PAX3: variants seen among roughly 807,000 people sequenced by gnomAD.
PAX3 encodes paired box 3.
In PAX3, 14 loss-of-function variants were observed where a neutral mutation model predicts 51.6. The ratio of observed to expected loss-of-function variants is 0.27; its 90% CI spans 0.18 to 0.42. The LOEUF (loss-of-function observed/expected upper bound fraction) is 0.42, where lower values mean the gene tolerates loss of function less well. Ranked by LOEUF, PAX3 falls within the 10% of genes least tolerant of loss-of-function variation. The pLI, the probability that PAX3 is intolerant of heterozygous loss-of-function variation, is 1.00. For synonymous variants in PAX3, 280 were observed against 253.4 expected (o/e 1.11, Z -1.00); for missense variants, 540 against 642.8 (o/e 0.84, Z 1.73).
At chr2:222,291,033 T>C (rs1252405725) in intron 4 of PAX3, among the ~76,000 whole-genome samples, 1 of 151,168 alleles carries the variant, frequency 6.6e-6, no homozygotes, top group Non-Finnish European at 1.5e-5. Context: ...GAGCTAAGCT[T>C]CGAGCCGGCC....
chr2:222,241,092 A>C (rs1186936537), intron 4 of PAX3, among the ~76,000 whole-genome samples: 2 of 152,250 alleles, frequency 1.3e-5, no homozygotes, highest in African/African-American at 4.8e-5. Context: ...TGCTATCTAC[A>C]GTAAGGCTCC....
intron 4 of PAX3, among the ~76,000 whole-genome samples, chr2:222,241,225 C>T (rs1047666936): frequency 2.0e-5 from 3 of 152,132 alleles, no homozygotes; most frequent in African/African-American, 7.2e-5. Context: ...AGGAAAAGGG[C>T]CAAGTGACTT....
intron 1 of PAX3, chr2:222,298,072 A>G (rs886893314): frequency 6.2e-6 from 1 of 161,916 alleles, no homozygotes; most frequent in Non-Finnish European, 1.3e-5. Context: ...TCCAATCACA[A>G]TGGCGCGGCG....
At chr2:222,270,727 C>G (rs997102916) in intron 4 of PAX3, among the ~76,000 whole-genome samples, 7 of 152,188 alleles carry the variant, frequency 4.6e-5, no homozygotes, top group African/African-American at 1.7e-4. Context: ...CAACAGACAT[C>G]AGAACAATGT....
intron 8 of PAX3, 51 bp downstream of exon 8, chr2:222,201,893 A>G (rs1691306359): frequency 6.2e-7 from 1 of 1,613,554 alleles, no homozygotes; most frequent in South Asian, 1.1e-5. Flanking sequence ...GGAAGAGTTG[A>G]GTTTATCTCC....
At chr2:222,285,687 C>T (rs1694807807) in intron 4 of PAX3, among the ~76,000 whole-genome samples, 1 of 152,208 alleles carries the variant, frequency 6.6e-6, no homozygotes, top group Admixed American at 6.5e-5. Context: ...CCCTAACTTA[C>T]TTATTATTTC....
intron 4 of PAX3, among the ~76,000 whole-genome samples, chr2:222,234,027 C>T (rs1156725210): frequency 1.3e-5 from 2 of 152,142 alleles, no homozygotes; most frequent in African/African-American, 4.8e-5. Context: ...AAATTTCATT[C>T]TATTTCAGTA....
At chr2:222,224,894 C>T (rs1284502991) in intron 5 of PAX3, among the ~76,000 whole-genome samples, 1 of 152,142 alleles carries the variant, frequency 6.6e-6, no homozygotes, top group African/African-American at 2.4e-5. Context: ...GCAAACTGGC[C>T]TATGACTGAT....
At chr2:222,221,942 T>A (rs1490167424) in intron 5 of PAX3, among the ~76,000 whole-genome samples, 2 of 152,028 alleles carry the variant, frequency 1.3e-5, no homozygotes, top group Non-Finnish European at 2.9e-5. Flanking sequence ...AACATTGCAC[T>A]GATCTCGGTG....
At chr2:222,223,510 A>G (rs924178897) in intron 5 of PAX3, among the ~76,000 whole-genome samples, 1 of 152,228 alleles carries the variant, frequency 6.6e-6, no homozygotes, top group African/African-American at 2.4e-5. Context: ...CATTTTCAAG[A>G]AAGTTCTGGG....
At chr2:222,210,183 A>T (rs765877365) in intron 7 of PAX3, among the ~76,000 whole-genome samples, 7 of 152,190 alleles carry the variant, frequency 4.6e-5, no homozygotes, top group Non-Finnish European at 8.8e-5. Flanking sequence ...ACCTACTTTG[A>T]TCTTCAGAAA....
intron 5 of PAX3, among the ~76,000 whole-genome samples, chr2:222,230,652 C>T (rs554439577): frequency 3.3e-5 from 5 of 151,864 alleles, no homozygotes; most frequent in African/African-American, 4.8e-5. Context: ...GTCAGGAGTT[C>T]GAGACCAGCC....
chr2:222,282,670 T>G (rs1319930804), intron 4 of PAX3, among the ~76,000 whole-genome samples: 1 of 152,176 alleles, frequency 6.6e-6, no homozygotes, highest in Non-Finnish European at 1.5e-5. Flanking sequence ...TTTTCTGGCT[T>G]ACAAAGAAAA....
At chr2:222,254,399 G>T (rs140448816) in intron 4 of PAX3, among the ~76,000 whole-genome samples, 1 of 151,562 alleles carries the variant, frequency 6.6e-6, no homozygotes, top group Non-Finnish European at 1.5e-5. Flanking sequence ...TGCAATAAGC[G>T]TTGTCCAGTG....
chr2:222,277,457 C>T (rs1271005281), intron 4 of PAX3, among the ~76,000 whole-genome samples: 5 of 152,156 alleles, frequency 3.3e-5, no homozygotes, highest in South Asian at 2.1e-4. Flanking sequence ...TTTTTCTAGA[C>T]GCTCATACTC....
chr2:222,295,800 C>T (rs1030342828), intron 2 of PAX3, 143 bp from the exon 3 acceptor site: 3 of 915,800 alleles, frequency 3.3e-6, no homozygotes, highest in African/African-American at 3.3e-5. Flanking sequence ...GACCTGAACT[C>T]TCTGAGGCAC....
At chr2:222,243,202 G>A (rs917797595) in intron 4 of PAX3, among the ~76,000 whole-genome samples, 1 of 152,154 alleles carries the variant, frequency 6.6e-6, no homozygotes, top group Non-Finnish European at 1.5e-5. Flanking sequence ...TACACTTTTT[G>A]TGCCAAAAGC....
At chr2:222,250,083 G>A (rs1462869740) in intron 4 of PAX3, among the ~76,000 whole-genome samples, 1 of 152,072 alleles carries the variant, frequency 6.6e-6, no homozygotes, top group African/African-American at 2.4e-5. Context: ...TTAAAGAAAT[G>A]TCTTGAGAAC....
chr2:222,298,236 A>G (rs1213397028), intron 1 of PAX3: 3 of 457,216 alleles, frequency 6.6e-6, no homozygotes, highest in Non-Finnish European at 1.2e-5. Flanking sequence ...GCCGCTCAGA[A>G]GCCGGTTCAC....
Sources: allele counts gnomAD v4.1 joint callset (sites outside exome capture counted in the v4.1 genomes callset), GRCh38; gene constraint gnomAD v4.1.1; transcripts MANE v1.5; gene names NCBI Gene and HGNC (gene_info 2026-07-23, HGNC 2026-07-21).